PRKN: variants seen among roughly 807,000 people sequenced by gnomAD.
PRKN encodes E3 ubiquitin-protein ligase parkin.
In PRKN, 56 loss-of-function variants were observed where a neutral mutation model predicts 59.5. The ratio of observed to expected loss-of-function variants is 0.94; its 90% CI spans 0.76 to 1.18. The LOEUF (loss-of-function observed/expected upper bound fraction) is 1.18. Among genes scored for constraint, PRKN ranks in the 50% most tolerant of loss-of-function variants. The pLI, the probability that PRKN is intolerant of heterozygous loss-of-function variation, is 0.00. For missense variants in PRKN, 657 were observed against 596.4 expected, an observed-to-expected ratio of 1.10 and a Z score of -1.06; for synonymous variants, 250 against 222.1, an observed-to-expected ratio of 1.13 and a Z score of -1.12.
chr6:162,382,419 G>C (rs1786539321), intron 2 of PRKN, among the ~76,000 whole-genome samples: 1 of 152,182 alleles, frequency 6.6e-6, no homozygotes. Context: ...AGGCATACAA[G>C]TTTTGTGGTT....
intron 7 of PRKN, among the ~76,000 whole-genome samples, chr6:161,669,352 T>C (rs1784829802): frequency 6.6e-6 from 1 of 152,164 alleles, no homozygotes; most frequent in African/African-American, 2.4e-5. Context: ...ACTTTAATCA[T>C]GGGACAGCTT....
chr6:162,373,483 C>T (rs1044014234), intron 2 of PRKN, among the ~76,000 whole-genome samples: 4 of 152,040 alleles, frequency 2.6e-5, no homozygotes, highest in East Asian at 1.9e-4. Flanking sequence ...TTTTCCAACA[C>T]GGGTAAGGGA....
intron 7 of PRKN, among the ~76,000 whole-genome samples, chr6:161,644,751 T>A (rs748820949): frequency 6.6e-6 from 1 of 152,194 alleles, no homozygotes; most frequent in Non-Finnish European, 1.5e-5. Context: ...AAACATGGCA[T>A]GAGAGCCGAG....
chr6:161,921,354 A>C (rs915025221), intron 6 of PRKN, among the ~76,000 whole-genome samples: 14 of 152,308 alleles, frequency 9.2e-5, no homozygotes, highest in Middle Eastern at 6.8e-3. Context: ...ATCCTGCCTG[A>C]GACTGCTTTA....
intron 2 of PRKN, among the ~76,000 whole-genome samples, chr6:162,374,173 C>T (rs1785917198): frequency 6.6e-6 from 1 of 152,174 alleles, no homozygotes; most frequent in South Asian, 2.1e-4. Flanking sequence ...CTCCAAAAAT[C>T]ATGAGGGGTT....
chr6:161,750,852 G>C (rs756041063), intron 7 of PRKN, among the ~76,000 whole-genome samples: 26 of 151,530 alleles, frequency 1.7e-4, no homozygotes, highest in Admixed American at 1.3e-4. Context: ...GACCATCATA[G>C]AGCAAGCAGA....
At position 162,355,407 on chromosome 6, in the gene PRKN, C is replaced by A. The variant is rs866385596; in HGVS notation, c.171+87903G>T. Among the ~76,000 whole-genome samples, 44 of 151,290 alleles carry A rather than the reference C, an allele frequency of 2.9e-4. No individual in the cohort carries two copies. The South Asian group carries it at 3.1e-3, about 11-fold the overall frequency. On this transcript the variant is annotated intron_variant, in intron 2 of 11. Coordinates refer to ENST00000366898, the MANE Select transcript of PRKN (RefSeq NM_004562.3). ...ATCTGTAATCTATCTATCTATCTAT[C>A]TATATATATATAACAATTTAGTTTT...
At chr6:161,913,446 T>C (rs188508706) in intron 6 of PRKN, among the ~76,000 whole-genome samples, 264 of 152,306 alleles carry the variant, frequency 1.7e-3, no homozygotes, top group Middle Eastern at 3.4e-3. Context: ...CTCAATCTTA[T>C]TGAAAAACTG....
At chr6:162,092,124 G>C (rs894098006) in intron 4 of PRKN, among the ~76,000 whole-genome samples, 1 of 152,172 alleles carries the variant, frequency 6.6e-6, no homozygotes, top group Non-Finnish European at 1.5e-5. Flanking sequence ...GGAGGCAGAG[G>C]CGGGCAGATC....
At chr6:162,271,536 C>A (rs533831414) in intron 2 of PRKN, 2 of 149,366 alleles carry the variant, frequency 1.3e-5, no homozygotes, top group Non-Finnish European at 3.0e-5. Context: ...GAGCGAGACT[C>A]CGTCTCAAAA....
chr6:162,402,096 A>G (rs1044820983), intron 2 of PRKN, among the ~76,000 whole-genome samples: 7 of 152,038 alleles, frequency 4.6e-5, no homozygotes, highest in African/African-American at 1.4e-4. Context: ...CCAAAAAACA[A>G]AAATTACCCA....
chr6:162,573,452 T>C (rs2128209315), intron 1 of PRKN, among the ~76,000 whole-genome samples: 1 of 152,300 alleles, frequency 6.6e-6, no homozygotes, highest in East Asian at 1.9e-4. Context: ...AGTTCTTCCA[T>C]CCTTTGAAAC....
intron 9 of PRKN, among the ~76,000 whole-genome samples, chr6:161,465,515 T>C (rs1790421150): frequency 6.6e-6 from 1 of 151,934 alleles, no homozygotes; most frequent in African/African-American, 2.4e-5. Context: ...AATTTTAGTA[T>C]ACTTTTTTCT....
intron 7 of PRKN, among the ~76,000 whole-genome samples, chr6:161,738,317 G>A (rs779632257): frequency 5.9e-5 from 9 of 151,996 alleles, no homozygotes; most frequent in African/African-American, 1.9e-4. Flanking sequence ...TTCTAGCATC[G>A]GATGTCAGGA....
intron 9 of PRKN, among the ~76,000 whole-genome samples, chr6:161,540,396 T>G (rs1167186630): frequency 6.6e-6 from 1 of 152,196 alleles, no homozygotes; most frequent in African/African-American, 2.4e-5. Context: ...TCCCATCTTC[T>G]CTAATTGATC....
At chr6:162,380,845 T>A (rs1786440767) in intron 2 of PRKN, among the ~76,000 whole-genome samples, 1 of 151,998 alleles carries the variant, frequency 6.6e-6, no homozygotes, top group African/African-American at 2.4e-5. Context: ...AATAAGGAAG[T>A]AAGGTGTTTA....
chr6:161,673,255 T>C (rs1582983292), intron 7 of PRKN, among the ~76,000 whole-genome samples: 1 of 152,008 alleles, frequency 6.6e-6, no homozygotes, highest in Non-Finnish European at 1.5e-5. Flanking sequence ...CCAAGTCCCA[T>C]GGGGATAAGT....
At chr6:162,495,090 C>A (rs1360443377) in intron 1 of PRKN, among the ~76,000 whole-genome samples, 3 of 152,192 alleles carry the variant, frequency 2.0e-5, no homozygotes, top group Admixed American at 2.0e-4. Flanking sequence ...AATCGAGAGA[C>A]ATCATACAAT....
chr6:162,498,377 T>A (rs892660459), intron 1 of PRKN, among the ~76,000 whole-genome samples: 1 of 145,844 alleles, frequency 6.9e-6, no homozygotes, highest in African/African-American at 2.5e-5. Flanking sequence ...GCAGAATCAT[T>A]TTTTTTCTTT....
Sources: allele counts gnomAD v4.1 joint callset (sites outside exome capture counted in the v4.1 genomes callset), GRCh38; gene constraint gnomAD v4.1.1; transcripts MANE v1.5; gene names NCBI Gene and HGNC (gene_info 2026-07-23, HGNC 2026-07-21).